CRACDL: variants seen among roughly 807,000 people sequenced by gnomAD.
CRACDL encodes the protein CRACD like.
Under a neutral mutation model 70.6 loss-of-function variants are expected in CRACDL, and 26 were observed. The ratio of observed to expected loss-of-function variants is 0.37; its 90% CI spans 0.27 to 0.51. CRACDL has a LOEUF of 0.51. Among genes scored for constraint, CRACDL ranks in the 20% least tolerant of loss-of-function variants. The pLI, the probability that CRACDL is intolerant of heterozygous loss-of-function variation, is 0.94. For missense variants in CRACDL, 1,283 were observed against 1,376.9 expected (o/e 0.93, Z 1.08); for synonymous variants, 618 against 615.2 (o/e 1.00, Z -0.07).
rs752261294 is a variant in CRACDL at position 98,821,923 on chromosome 2, G to A, written c.2350C>T (p.Pro784Ser). The A allele has an allele frequency of 6.3e-7, 1 of 1,585,880 alleles. No homozygotes were observed. Among genetic ancestry groups the A allele is most frequent in the Non-Finnish European group, 8.5e-7 (1 of 1,170,542 alleles). ...PHQPAPPDAG[P>S]GEREPRKEPR... ...TCCTTCCTGGGTTCCCGCTCTCCCG[G>A]GCCGGCGTCGGGGGGCGCGGGCTGG... The change falls in exon 7 of 10, where the codon CCG becomes TCG. Residue 784 changes from proline to serine, a missense_variant. Around this residue, in one of 2 missense-constraint regions of CRACDL, gnomAD observed 921 missense variants for 881.9 expected, o/e 1.04. Coordinates refer to ENST00000397899, the MANE Select transcript of CRACDL (RefSeq NM_207362.3).
intron 1 of CRACDL, among the ~76,000 whole-genome samples, chr2:98,931,708 C>A (rs1216406662): frequency 2.0e-5 from 3 of 152,228 alleles, no homozygotes; most frequent in Middle Eastern, 3.2e-3. Flanking sequence ...TTCACAGATA[C>A]CCAGATCATA....
Position 98,823,567 on chromosome 2 carries a change from C to T in CRACDL, c.736-30G>A, listed in dbSNP as rs1559216634. The T allele has an allele frequency of 3.9e-6, 6 of 1,540,504 alleles. No homozygotes were observed. The highest frequency in any genetic ancestry group is 1.2e-5 in the South Asian group (1 of 84,344). Reference sequence around the variant, plus strand: ...GAGAAATAAAGATAAAAAGCATCGTCGCTATAGCCAATTCCAGGAAGCCTG... The same window carrying T: ...GAGAAATAAAGATAAAAAGCATCGTTGCTATAGCCAATTCCAGGAAGCCTG... On this transcript the variant is annotated intron_variant, in intron 6 of 9. Coordinates refer to ENST00000397899, the MANE Select transcript of CRACDL (RefSeq NM_207362.3). The surrounding 1 kb of genome is among the most constrained non-coding windows in gnomAD (Gnocchi z 4.0).
At chr2:98,933,455 C>T (rs1483255804) in intron 1 of CRACDL, among the ~76,000 whole-genome samples, 6 of 152,182 alleles carry the variant, frequency 3.9e-5, no homozygotes, top group African/African-American at 1.4e-4. Flanking sequence ...TCTAGAAAAA[C>T]AGAACCATGC....
intron 7 of CRACDL, among the ~76,000 whole-genome samples, chr2:98,808,511 G>A (rs951492001): frequency 4.6e-5 from 7 of 152,084 alleles, no homozygotes; most frequent in Non-Finnish European, 1.0e-4. Context: ...GTGCCCAGCT[G>A]ACCAGATGAC....
chr2:98,833,317 C>T (rs78822605), intron 3 of CRACDL, among the ~76,000 whole-genome samples: 12,793 of 152,236 alleles, frequency 0.084, 646 homozygotes, highest in South Asian at 0.2. Flanking sequence ...GGGGCTGGCA[C>T]GGCCAGCTTC....
chr2:98,818,156 T>C (rs1225540935), intron 7 of CRACDL, among the ~76,000 whole-genome samples: 1 of 152,208 alleles, frequency 6.6e-6, no homozygotes, highest in Non-Finnish European at 1.5e-5. Context: ...CTGATAACCC[T>C]GGGCCATTTA....
chr2:98,827,876 C>T (rs6733135), intron 5 of CRACDL, among the ~76,000 whole-genome samples: 17,402 of 152,192 alleles, frequency 0.11, 1,244 homozygotes, highest in South Asian at 0.26. Flanking sequence ...AGAGGTGTGA[C>T]TTTAGAGGCT....
chr2:98,905,434 C>T (rs1437393287), intron 1 of CRACDL, among the ~76,000 whole-genome samples: 1 of 152,136 alleles, frequency 6.6e-6, no homozygotes, highest in Non-Finnish European at 1.5e-5. Context: ...AAATAAACCT[C>T]TTTGCTTTAT....
intron 7 of CRACDL, among the ~76,000 whole-genome samples, chr2:98,808,062 A>G (rs896823597): frequency 6.6e-6 from 1 of 152,224 alleles, no homozygotes; most frequent in East Asian, 1.9e-4. Context: ...GAGGAACTGC[A>G]TTTTAATTTC....
In CRACDL at chr2:98,795,077, A is replaced by ATTTTTTT. The variant is rs1181969802; in HGVS notation, c.2750-413_2750-407dup. Among the ~76,000 whole-genome samples, 48 of 58,428 alleles carry ATTTTTTT rather than the reference A, an allele frequency of 8.2e-4. 3 individuals carry two copies. Among genetic ancestry groups the ATTTTTTT allele is most frequent in the East Asian group, 1.2e-3 (2 of 1,634 alleles). 38.3% of individuals were successfully genotyped at this position (58,428 alleles called of 152,430 possible). A position where few individuals can be genotyped will look rare whatever the true frequency, so the allele number is the denominator to read the frequency against. On this transcript the variant is annotated intron_variant, in intron 9 of 9. Transcript: ENST00000397899. ...TATATATATATATATATATATATAT[A>ATTTTTTT]TTTTTTTTTTTTTTTGAGACAGAAG...
At chr2:98,881,082 C>G (rs928007608) in intron 1 of CRACDL, among the ~76,000 whole-genome samples, 2 of 152,198 alleles carry the variant, frequency 1.3e-5, no homozygotes, top group African/African-American at 4.8e-5. Context: ...GCACTCGGCA[C>G]CTGCTTGAAA....
chr2:98,893,230 C>A (rs1384736368), intron 1 of CRACDL, among the ~76,000 whole-genome samples: 2 of 152,222 alleles, frequency 1.3e-5, no homozygotes, highest in Middle Eastern at 3.4e-3. Flanking sequence ...GCCTTCACCA[C>A]ATCATGGGAC....
intron 1 of CRACDL, among the ~76,000 whole-genome samples, chr2:98,862,314 A>G (rs541353896): frequency 6.6e-6 from 1 of 152,356 alleles, no homozygotes; most frequent in East Asian, 1.9e-4. Context: ...TGGGAAAAGG[A>G]CAGAAGCTAA....
intron 1 of CRACDL, among the ~76,000 whole-genome samples, chr2:98,879,471 C>T (rs1255459024): frequency 2.0e-5 from 3 of 152,156 alleles, no homozygotes; most frequent in African/African-American, 7.2e-5. Context: ...AGTGAGGACA[C>T]AGAACAATAT....
chr2:98,842,440 T>TA (rs11366424), intron 2 of CRACDL, among the ~76,000 whole-genome samples: 8 of 151,958 alleles, frequency 5.3e-5, no homozygotes, highest in East Asian at 3.9e-4. Context: ...CTATACCTTG[T>TA]AAAAAAAACT....
chr2:98,900,878 G>T (rs1216984436), intron 1 of CRACDL, among the ~76,000 whole-genome samples: 1 of 152,168 alleles, frequency 6.6e-6, no homozygotes, highest in African/African-American at 2.4e-5. Flanking sequence ...AGAGACTCCA[G>T]TGTGGCTGCG....
rs1487625168 is a variant in CRACDL at position 98,897,365 on chromosome 2, C to G, written c.-11+38573G>C. ...CTAAATATATATTTGCCTTGCTCCTCTTAGCACCTACCTTTTATCTTGCAC... is the reference window on the plus strand; with the variant it reads ...CTAAATATATATTTGCCTTGCTCCTGTTAGCACCTACCTTTTATCTTGCAC... On this transcript the variant is annotated intron_variant, in intron 1 of 9. Coordinates refer to ENST00000397899, the MANE Select transcript of CRACDL (RefSeq NM_207362.3). 3.1e-6 allele frequency: 4 copies of G among 1,303,484 alleles called. No individual in the cohort carries two copies. In the East Asian group the frequency reaches 2.2e-4, roughly 72 times the overall value. The allele number at this position is 1,303,484 out of a possible 1,614,324, so 80.7% of individuals were successfully genotyped here. A position where few individuals can be genotyped will look rare whatever the true frequency, so the allele number is the denominator to read the frequency against.
chr2:98,870,396 T>C (rs1707298123), intron 1 of CRACDL, among the ~76,000 whole-genome samples: 1 of 152,238 alleles, frequency 6.6e-6, no homozygotes, highest in Non-Finnish European at 1.5e-5. Context: ...CATTTGATGA[T>C]GACAGAAGAA....
chr2:98,884,034 G>A (rs1707727295), intron 1 of CRACDL, among the ~76,000 whole-genome samples: 1 of 152,202 alleles, frequency 6.6e-6, no homozygotes, highest in Admixed American at 6.5e-5. Context: ...CTGGGAAGCG[G>A]CGTGTGTTGG....
Sources: allele counts gnomAD v4.1 joint callset (sites outside exome capture counted in the v4.1 genomes callset), GRCh38; gene constraint gnomAD v4.1.1; regional missense constraint gnomAD v4.1.1; non-coding constraint Gnocchi (gnomAD v3.1); transcripts MANE v1.5; gene names NCBI Gene and HGNC (gene_info 2026-07-23, HGNC 2026-07-21).